Variants in TSGA10 observed in about 807,000 individuals in gnomAD.
TSGA10 encodes the protein testis-specific gene 10 protein.
In TSGA10, 43 loss-of-function variants were observed where a neutral mutation model predicts 96.6. That is an observed-to-expected ratio of 0.44 (90% CI 0.35 to 0.57). The LOEUF (loss-of-function observed/expected upper bound fraction) is 0.57, where lower values mean the gene tolerates loss of function less well. TSGA10 is among the 20% of genes least tolerant of loss of function. The pLI is 0.01. For missense variants in TSGA10, 703 were observed against 834.4 expected (o/e 0.84, Z 1.94); for synonymous variants, 229 against 269.9 (o/e 0.85, Z 1.48).
chr2:99,021,982 T>C (rs900082304), intron 17 of TSGA10, among the ~76,000 whole-genome samples: 8 of 152,076 alleles, frequency 5.3e-5, no homozygotes, highest in African/African-American at 1.7e-4. Context: ...ATTAACACAG[T>C]TGTACAATCG....
At chr2:99,116,477 T>C (rs1156282010) in intron 4 of TSGA10, among the ~76,000 whole-genome samples, 9 of 152,138 alleles carry the variant, frequency 5.9e-5, no homozygotes, top group Non-Finnish European at 1.3e-4. Context: ...GTCACAGATA[T>C]CTGAGAATTT....
intron 16 of TSGA10, among the ~76,000 whole-genome samples, chr2:99,045,950 A>C (rs1203286824): frequency 4.6e-5 from 7 of 152,144 alleles, no homozygotes; most frequent in Non-Finnish European, 1.0e-4. Flanking sequence ...CAGACTTTAA[A>C]CCACAAAGAT....
Position 99,020,448 on chromosome 2 carries a change from A to G in TSGA10, c.1649T>C (p.Ile550Thr). ...TGCCATCTGACTCCTCAGGAGTTCA[A>G]TTTCAGAATGAGCAGAATCTAACTC... Reference protein sequence around the residue: ...ENELDSAHSEIELLRSQMANE... With the variant: ...ENELDSAHSETELLRSQMANE... The change falls in exon 18 of 21, where the codon ATT becomes ACT. Residue 550 changes from isoleucine to threonine, a missense_variant. By Grantham distance (89) the Ile-to-Thr change is moderately conservative (BLOSUM62 -1). This residue lies in a region of TSGA10 where 585 missense variants were observed against 656.8 expected (regional missense o/e 0.89). Transcript: ENST00000393483. The G allele has an allele frequency of 1.2e-6, 2 of 1,613,680 alleles. No homozygotes were observed. Among genetic ancestry groups the G allele is most frequent in the Non-Finnish European group, 1.7e-6 (2 of 1,179,746 alleles).
chr2:99,149,536 G>A (rs903125824), intron 1 of TSGA10, among the ~76,000 whole-genome samples: 5 of 146,098 alleles, frequency 3.4e-5, no homozygotes, highest in Admixed American at 2.1e-4. Flanking sequence ...TCAGCCTCCC[G>A]GGTTCACACC....
chr2:99,118,565 TATCAA>T lies in TSGA10; in HGVS notation c.-375_-371del, dbSNP rs1160916562. The T allele has an allele frequency of 2.0e-6, 2 of 983,442 alleles. No individual in the cohort carries two copies. The highest frequency in any genetic ancestry group is 2.4e-6 in the Non-Finnish European group (2 of 828,642). The allele number at this position is 983,442 out of a possible 1,614,324, so 60.9% of individuals were successfully genotyped here. A position where few individuals can be genotyped will look rare whatever the true frequency, so the allele number is the denominator to read the frequency against. On this transcript the variant is annotated 5_prime_UTR_variant, in exon 3 of 21. Coordinates refer to ENST00000393483, the MANE Select transcript of TSGA10 (RefSeq NM_025244.4). ...CAGTAACTTACTTGACTAAGCTAAA[TATCAA>T]ATCAATCAAGTATTTGCTGCCTAAT...
intron 16 of TSGA10, among the ~76,000 whole-genome samples, chr2:99,037,709 G>A (rs1236841148): frequency 6.6e-6 from 1 of 152,036 alleles, no homozygotes; most frequent in Non-Finnish European, 1.5e-5. Context: ...AATTAGCTGG[G>A]TGTGGTGGTG....
At chr2:99,006,515 A>T (rs1361616477) in intron 20 of TSGA10, among the ~76,000 whole-genome samples, 1 of 152,254 alleles carries the variant, frequency 6.6e-6, no homozygotes, top group Non-Finnish European at 1.5e-5. Context: ...AAAAGAAGAC[A>T]TTTATGCAGC....
Position 99,118,313 on chromosome 2 carries a change from T to C in TSGA10, c.-356+238A>G, listed in dbSNP as rs777014848. 5.6e-4 allele frequency among the ~76,000 whole-genome samples: 85 copies of C among 151,694 alleles called. 2 individuals are homozygous for C. The highest frequency in any genetic ancestry group is 1.5e-4 in the Non-Finnish European group (10 of 67,930). On this transcript the variant is annotated intron_variant, in intron 3 of 20. Coordinates refer to ENST00000393483, the MANE Select transcript of TSGA10 (RefSeq NM_025244.4). Reference sequence around the variant, plus strand: ...TAAAAATACAAAAATCAGCCGGGCATGGTGGCGAGTGCCCGTAGTCCCAGC... The same window carrying C: ...TAAAAATACAAAAATCAGCCGGGCACGGTGGCGAGTGCCCGTAGTCCCAGC...
At chr2:99,031,118 T>TA (rs1164358483) in intron 17 of TSGA10, among the ~76,000 whole-genome samples, 1 of 151,124 alleles carries the variant, frequency 6.6e-6, no homozygotes, top group Non-Finnish European at 1.5e-5. Context: ...AATTCTGTGG[T>TA]ATTGGGGGAA....
At chr2:99,061,607 C>T (rs1436630939) in intron 16 of TSGA10, among the ~76,000 whole-genome samples, 1 of 152,118 alleles carries the variant, frequency 6.6e-6, no homozygotes, top group East Asian at 1.9e-4. Context: ...GTTAAGCATA[C>T]TTACCATATA....
At chr2:99,098,431 T>C (rs535770479) in intron 10 of TSGA10, among the ~76,000 whole-genome samples, 4 of 116,648 alleles carry the variant, frequency 3.4e-5, no homozygotes, top group Admixed American at 1.1e-4. Flanking sequence ...AGAGAGAGAC[T>C]CTGCCTCAAA....
Position 99,105,710 on chromosome 2 carries a change from T to A in TSGA10, c.211-13A>T, listed in dbSNP as rs768560220. 2 of 1,579,272 alleles carry A rather than the reference T, an allele frequency of 1.3e-6. No individual in the cohort carries two copies. The highest frequency in any genetic ancestry group is 2.7e-5 in the African/African-American group (2 of 74,190). On this transcript the variant is annotated splice_polypyrimidine_tract_variant and intron_variant, in intron 7 of 20. Coordinates refer to ENST00000393483, the MANE Select transcript of TSGA10 (RefSeq NM_025244.4). ...TTTCTTCCTGTGCCTATTATTTAAATCATAGACTTTGGTTGAACAAGCTTT... is the reference window on the plus strand; with the variant it reads ...TTTCTTCCTGTGCCTATTATTTAAAACATAGACTTTGGTTGAACAAGCTTT...
Position 99,108,980 on chromosome 2 carries a change from A to C in TSGA10, c.63T>G (p.Cys21Trp). The change falls in exon 7 of 21, where the codon TGT becomes TGG. Residue 21 changes from cysteine (C) to tryptophan (W), a missense_variant. By Grantham distance (215) the Cys-to-Trp change is radical. Transcript: ENST00000393483. ...RPSPTARGANCDVELLKTTTR... is the reference protein window; with the variant it reads ...RPSPTARGANWDVELLKTTTR... ...TTGTTGTCTTCAAAAGTTCTACATC[A>C]CAGTTTGCACCCTATAATTATATAA... The C allele has an allele frequency of 6.3e-7, 1 of 1,575,430 alleles. No individual in the cohort carries two copies. The highest frequency in any genetic ancestry group is 8.6e-7 in the Non-Finnish European group (1 of 1,167,520).
intron 10 of TSGA10, chr2:99,102,878 A>G: frequency 1.4e-6 from 1 of 709,024 alleles, no homozygotes; most frequent in Non-Finnish European, 2.5e-6. Context: ...TAGTCCTTTT[A>G]TATTTGTCTT....
At chr2:99,128,834 G>A (rs1417427007) in intron 1 of TSGA10, among the ~76,000 whole-genome samples, 3 of 151,958 alleles carry the variant, frequency 2.0e-5, no homozygotes, top group Non-Finnish European at 4.4e-5. Flanking sequence ...CTGCAGCCTC[G>A]AACCCCAGGC....
At chr2:99,066,125 T>C (rs557848379) in intron 15 of TSGA10, among the ~76,000 whole-genome samples, 1 of 152,328 alleles carries the variant, frequency 6.6e-6, no homozygotes, top group East Asian at 1.9e-4. Context: ...AAATAATGTC[T>C]AATACTCCTT....
intron 12 of TSGA10, among the ~76,000 whole-genome samples, chr2:99,073,318 T>C (rs1558924690): frequency 6.6e-6 from 1 of 152,146 alleles, no homozygotes; most frequent in South Asian, 2.1e-4. Context: ...GATCAGTATA[T>C]CAAATTCTTT....
At position 99,081,376 on chromosome 2, in the gene TSGA10, T is replaced by C. The variant is rs2087474156; in HGVS notation, c.633A>G (p.Glu211=). 6.4e-7 allele frequency: 1 copy of C among 1,571,880 alleles called. No individual in the cohort carries two copies. The change falls in exon 11 of 21, where the codon GAA becomes GAG. Residue 211 remains glutamate (E), a synonymous_variant. Transcript: ENST00000393483. ...GTCGCTGAGTATCAGAAAGATCTTT[T>C]TCTGTGTTTTCATACAAAAGTCTGC... ...NSLRLLYENT[E]KDLSDTQRHL...
At chr2:99,134,333 T>C (rs1308300492) in intron 1 of TSGA10, among the ~76,000 whole-genome samples, 1 of 152,122 alleles carries the variant, frequency 6.6e-6, no homozygotes, top group African/African-American at 2.4e-5. Flanking sequence ...ATTAAGTTGA[T>C]CTTCAATCTC....
Sources: allele counts gnomAD v4.1 joint callset (sites outside exome capture counted in the v4.1 genomes callset), GRCh38; gene constraint gnomAD v4.1.1; regional missense constraint gnomAD v4.1.1; transcripts MANE v1.5; gene names NCBI Gene and HGNC (gene_info 2026-07-23, HGNC 2026-07-21).